SSBP3: variants seen among roughly 807,000 people sequenced by gnomAD.
SSBP3 encodes single stranded DNA binding protein 3, also known as single-stranded DNA-binding protein 3.
A neutral mutation model predicts 69.6 loss-of-function variants in SSBP3; 5 were observed. The observed-to-expected ratio is 0.07, with a 90% CI of 0.04 to 0.15. SSBP3 has a LOEUF of 0.15. SSBP3 is among the 10% of genes least tolerant of loss of function. SSBP3 has a pLI of 1.00. For missense variants in SSBP3, 312 were observed against 534.0 expected, an observed-to-expected ratio of 0.58 and a Z score of 4.10; for synonymous variants, 196 against 193.4, an observed-to-expected ratio of 1.01 and a Z score of -0.11.
At chr1:54,396,222 ACC>A (rs1648874047) in intron 4 of SSBP3, among the ~76,000 whole-genome samples, 1 of 145,202 alleles carries the variant, frequency 6.9e-6, no homozygotes, top group African/African-American at 2.6e-5. Flanking sequence ...AAAAAAAACA[ACC>A]CCATTACCCC....
chr1:54,235,448 ATTTTTTTTT>A (rs71580002), intron 14 of SSBP3, among the ~76,000 whole-genome samples: 8 of 69,922 alleles, frequency 1.1e-4, no homozygotes, highest in South Asian at 1.1e-3. Context: ...TGCCCGGCTG[ATTTTTTTTT>A]TTTTTTTTTT....
chr1:54,238,343 T>C (rs1339454614), intron 14 of SSBP3: 2 of 470,526 alleles, frequency 4.3e-6, no homozygotes, highest in African/African-American at 4.0e-5. Context: ...GGCTCTACAG[T>C]CTGTAGACCT....
At chr1:54,271,305 G>A (rs1645189078) in intron 5 of SSBP3, among the ~76,000 whole-genome samples, 1 of 152,056 alleles carries the variant, frequency 6.6e-6, no homozygotes, top group Non-Finnish European at 1.5e-5. Flanking sequence ...TGTAGAGACA[G>A]GGTCTATGTT....
chr1:54,278,676 G>A (rs1645335333), intron 5 of SSBP3, among the ~76,000 whole-genome samples: 2 of 152,236 alleles, frequency 1.3e-5, no homozygotes, highest in Non-Finnish European at 2.9e-5. Flanking sequence ...GTCCTGACCT[G>A]AAAACTGGGC....
chr1:54,355,468 C>G lies in SSBP3; in HGVS notation c.276+46393G>C, dbSNP rs563542656. Reference sequence around the variant, plus strand: ...GGTTCAAGCGATTCTCCCGCCTCAACTTCCCAAGTAGCTGGGAGTACAGGC... The same window carrying G: ...GGTTCAAGCGATTCTCCCGCCTCAAGTTCCCAAGTAGCTGGGAGTACAGGC... On this transcript the variant is annotated intron_variant, in intron 4 of 17. Coordinates refer to ENST00000610401, the Ensembl canonical transcript of SSBP3. Among the ~76,000 whole-genome samples the G allele has an allele frequency of 3.9e-5, 6 of 152,332 alleles. No homozygotes were observed. In the East Asian group the frequency reaches 1.2e-3, roughly 29 times the overall value.
intron 4 of SSBP3, among the ~76,000 whole-genome samples, chr1:54,288,230 G>A (rs1385464374): frequency 6.6e-6 from 1 of 152,176 alleles, no homozygotes; most frequent in Non-Finnish European, 1.5e-5. Flanking sequence ...CCTGCACTGA[G>A]GGTCCCAGGA....
chr1:54,304,922 A>G (rs529507920), intron 4 of SSBP3, among the ~76,000 whole-genome samples: 1 of 152,104 alleles, frequency 6.6e-6, no homozygotes, highest in Non-Finnish European at 1.5e-5. Context: ...GAAGACCACC[A>G]CCACCACCCC....
At chr1:54,229,796 G>A (rs543758372) in intron 14 of SSBP3, among the ~76,000 whole-genome samples, 33 of 152,260 alleles carry the variant, frequency 2.2e-4, no homozygotes, top group African/African-American at 7.9e-4. Context: ...GCACCTGGCC[G>A]GGACTGGGTG....
At chr1:54,321,183 T>C (rs12026238) in intron 4 of SSBP3, among the ~76,000 whole-genome samples, 55,159 of 152,166 alleles carry the variant, frequency 0.36, 11,607 homozygotes, top group African/African-American at 0.57. Flanking sequence ...GACAAAGGCG[T>C]TGACCCACAG....
intron 4 of SSBP3, among the ~76,000 whole-genome samples, chr1:54,346,004 A>C (rs1287046501): frequency 6.6e-6 from 1 of 151,868 alleles, no homozygotes; most frequent in African/African-American, 2.4e-5. Context: ...AAAAAACAAA[A>C]CAAAAACAAT....
intron 4 of SSBP3, among the ~76,000 whole-genome samples, chr1:54,392,040 T>C (rs1021689345): frequency 6.6e-6 from 1 of 152,068 alleles, no homozygotes; most frequent in African/African-American, 2.4e-5. Context: ...CCGCGCCCAC[T>C]CCAGAGTGGT....
chr1:54,333,250 G>A (rs1050518064), intron 4 of SSBP3, among the ~76,000 whole-genome samples: 4 of 152,134 alleles, frequency 2.6e-5, no homozygotes, highest in African/African-American at 7.2e-5. Context: ...ATAGACTCTC[G>A]GGAGAGAAGA....
At chr1:54,397,061 G>C (rs1648939888) in intron 4 of SSBP3, among the ~76,000 whole-genome samples, 1 of 152,240 alleles carries the variant, frequency 6.6e-6, no homozygotes, top group African/African-American at 2.4e-5. Flanking sequence ...GGGAATGGGG[G>C]AGAGGGGAAA....
intron 4 of SSBP3, among the ~76,000 whole-genome samples, chr1:54,401,377 AACACACACACACAC>A (rs140889770): frequency 6.8e-6 from 1 of 146,892 alleles, no homozygotes; most frequent in African/African-American, 2.5e-5. Context: ...ACCCACACCA[AACACACACACACAC>A]ACACACACAC....
chr1:54,339,124 G>A (rs1646562077), intron 4 of SSBP3, among the ~76,000 whole-genome samples: 1 of 151,814 alleles, frequency 6.6e-6, no homozygotes, highest in Admixed American at 6.6e-5. Context: ...CCTCTCCAGA[G>A]ACCCTTCACC....
intron 14 of SSBP3, among the ~76,000 whole-genome samples, chr1:54,235,196 T>C (rs1249583019): frequency 1.3e-5 from 2 of 152,038 alleles, no homozygotes; most frequent in Non-Finnish European, 2.9e-5. Context: ...GGGCTGGCTT[T>C]GGAGGACCAG....
At chr1:54,316,433 A>T (rs967580557) in intron 4 of SSBP3, among the ~76,000 whole-genome samples, 10 of 149,464 alleles carry the variant, frequency 6.7e-5, no homozygotes, top group Admixed American at 1.3e-4. Context: ...AGGTCAGGAG[A>T]TCGAGACCAT....
At chr1:54,384,991 T>C (rs1159305513) in intron 4 of SSBP3, among the ~76,000 whole-genome samples, 2 of 152,156 alleles carry the variant, frequency 1.3e-5, no homozygotes, top group Admixed American at 6.5e-5. Context: ...CAGCTGCCTG[T>C]CCACGTCTCC....
At chr1:54,240,471 AAG>A (rs1491313414) in intron 13 of SSBP3, among the ~76,000 whole-genome samples, 2 of 19,986 alleles carry the variant, frequency 1.0e-4, no homozygotes, top group Non-Finnish European at 8.7e-5. Flanking sequence ...AGAAAAAAAA[AAG>A]GGGGGGGGGG....
Sources: allele counts gnomAD v4.1 joint callset (sites outside exome capture counted in the v4.1 genomes callset), GRCh38; gene constraint gnomAD v4.1.1; transcripts MANE v1.5; gene names NCBI Gene and HGNC (gene_info 2026-07-23, HGNC 2026-07-21).